The following PXYLP1 variants were observed in gnomAD, a reference collection of about 807,000 sequenced individuals.
PXYLP1 encodes 2-phosphoxylose phosphatase 1.
PXYLP1 carries 17 observed loss-of-function variants against 37.9 expected under a neutral mutation model. The observed-to-expected ratio is 0.45, with a 90% CI of 0.31 to 0.67. PXYLP1 has a LOEUF of 0.67. Ranked by LOEUF, PXYLP1 falls within the 30% of genes least tolerant of loss-of-function variation. PXYLP1 has a pLI of 0.07. For missense variants in PXYLP1, 511 were observed against 612.0 expected (o/e 0.84, Z 1.74); for synonymous variants, 221 against 232.2 (o/e 0.95, Z 0.44).
intron 1 of PXYLP1, among the ~76,000 whole-genome samples, chr3:141,249,971 A>G (rs958870562): frequency 6.6e-6 from 1 of 152,254 alleles, no homozygotes; most frequent in African/African-American, 2.4e-5. Context: ...TGGAAAAAAA[A>G]TCTCAAAGGA....
chr3:141,232,756 T>C (rs1940557121), intron 1 of PXYLP1, among the ~76,000 whole-genome samples: 1 of 152,188 alleles, frequency 6.6e-6, no homozygotes, highest in South Asian at 2.1e-4. Context: ...ATTGTACCTG[T>C]GGATGGTAAA....
At chr3:141,244,342 C>T (rs928545726) in intron 1 of PXYLP1, among the ~76,000 whole-genome samples, 13 of 150,408 alleles carry the variant, frequency 8.6e-5, no homozygotes, top group African/African-American at 2.0e-4. Context: ...AACAATATAA[C>T]GTTTCCCTCT....
At chr3:141,274,566 G>A (rs977103251) in intron 2 of PXYLP1, 10 of 1,037,062 alleles carry the variant, frequency 9.6e-6, no homozygotes, top group Non-Finnish European at 1.3e-5. Flanking sequence ...TCCACATGAG[G>A]AGTCAATGAG....
At chr3:141,278,899 G>A (rs529705490) in intron 3 of PXYLP1, among the ~76,000 whole-genome samples, 2 of 152,346 alleles carry the variant, frequency 1.3e-5, no homozygotes, top group South Asian at 4.1e-4. Context: ...ATGTCCTGCT[G>A]GCGTCTTGCC....
rs1394382018 is a variant in PXYLP1, at chr3:141,294,602, G to T, written c.*1397G>T. On this transcript the variant is annotated 3_prime_UTR_variant, in exon 6 of 6. Coordinates refer to ENST00000286353, the MANE Select transcript of PXYLP1 (RefSeq NM_001037172.3). ...TTTGTCCAGTGTTGCATTTGAATAT[G>T]TCTGTTTCTATAAATAAATTTTTTA... 6.6e-6 allele frequency: 1 copy of T among 152,172 alleles called. No homozygotes were observed. Among genetic ancestry groups the T allele is most frequent in the Non-Finnish European group, 1.5e-5 (1 of 68,028 alleles). The allele number at this position is 152,172 out of a possible 1,614,324, so 9.4% of individuals were successfully genotyped here.
intron 5 of PXYLP1, among the ~76,000 whole-genome samples, chr3:141,290,999 G>C (rs1310521265): frequency 6.6e-6 from 1 of 152,178 alleles, no homozygotes; most frequent in Non-Finnish European, 1.5e-5. Context: ...TCTTGGAAGT[G>C]CTAAATCCTG....
At chr3:141,255,497 C>T (rs974971389) in intron 1 of PXYLP1, among the ~76,000 whole-genome samples, 23 of 152,242 alleles carry the variant, frequency 1.5e-4, no homozygotes, top group African/African-American at 5.5e-4. Context: ...GATGTGGGAG[C>T]TGTAATCCCA....
rs769666245 is a variant in PXYLP1, at chr3:141,278,300, C to T, written c.80-42C>T. On this transcript the variant is annotated intron_variant, in intron 2 of 5. Transcript: ENST00000286353. ...GCTGGGCCTTGCAGCTGGCCTGGCGCCCCAGGAACTGTGCGTCACAACCTG... is the reference window on the plus strand; with the variant it reads ...GCTGGGCCTTGCAGCTGGCCTGGCGTCCCAGGAACTGTGCGTCACAACCTG... 5.6e-6 allele frequency: 9 copies of T among 1,610,968 alleles called. No homozygotes were observed. In the Admixed American group the frequency reaches 6.7e-5, roughly 12 times the overall value.
chr3:141,287,253 G>A (rs1237658806), intron 4 of PXYLP1, 61 bp from the exon 5 acceptor site: 18 of 1,577,448 alleles, frequency 1.1e-5, no homozygotes, highest in Non-Finnish European at 1.6e-5. Context: ...CGCTGAAGCT[G>A]GAAACTGTTT....
At chr3:141,280,463 G>A (rs1941924016) in intron 4 of PXYLP1, among the ~76,000 whole-genome samples, 1 of 152,200 alleles carries the variant, frequency 6.6e-6, no homozygotes, top group African/African-American at 2.4e-5. Context: ...GGCTGCCTCT[G>A]CCCTCATTTT....
chr3:141,245,498 C>T (rs1246212366), intron 1 of PXYLP1, among the ~76,000 whole-genome samples: 3 of 152,192 alleles, frequency 2.0e-5, no homozygotes, highest in Admixed American at 6.5e-5. Flanking sequence ...AGGTCAGGGA[C>T]GTTTTCTCTG....
At chr3:141,244,002 G>A (rs183686316) in intron 1 of PXYLP1, among the ~76,000 whole-genome samples, 4 of 152,274 alleles carry the variant, frequency 2.6e-5, no homozygotes, top group African/African-American at 7.2e-5. Context: ...AAATATATGC[G>A]AGCAAATAAG....
In PXYLP1 at chr3:141,254,393, TTGAC is replaced by T. The variant is rs1399869718; in HGVS notation, c.-53-5722_-53-5719del. ...GGCTCTCAGGAAATGTTATTTTGAA[TTGAC>T]TGACTGAATGAATGAGTGCGTGAAC... On this transcript the variant is annotated intron_variant, in intron 1 of 5. Transcript: ENST00000286353. Among the ~76,000 whole-genome samples, 7 of 152,348 alleles carry T rather than the reference TTGAC, an allele frequency of 4.6e-5. No individual in the cohort carries two copies. The South Asian group carries it at 8.3e-4, about 18-fold the overall frequency.
chr3:141,244,234 A>C (rs1265886390), intron 1 of PXYLP1, among the ~76,000 whole-genome samples: 1 of 152,234 alleles, frequency 6.6e-6, no homozygotes. Context: ...CACAGGTTCA[A>C]ATTCTAAAGT....
chr3:141,237,887 T>G (rs906848991), intron 1 of PXYLP1, among the ~76,000 whole-genome samples: 2 of 152,226 alleles, frequency 1.3e-5, no homozygotes, highest in Non-Finnish European at 1.5e-5. Flanking sequence ...GGCACTCATT[T>G]TGACTCATCT....
At chr3:141,235,958 C>T (rs529388411) in intron 1 of PXYLP1, among the ~76,000 whole-genome samples, 1 of 152,350 alleles carries the variant, frequency 6.6e-6, no homozygotes, top group South Asian at 2.1e-4. Flanking sequence ...GTTCAGTCTG[C>T]AGTGATGGCG....
At chr3:141,284,252 T>C (rs9880195) in intron 4 of PXYLP1, among the ~76,000 whole-genome samples, 129,324 of 152,100 alleles carry the variant, frequency 0.85, 55,448 homozygotes, top group African/African-American at 0.96. Context: ...CAGGTTGTTG[T>C]TTCTACCATC....
intron 1 of PXYLP1, among the ~76,000 whole-genome samples, chr3:141,252,651 G>C (rs1035426787): frequency 6.6e-6 from 1 of 152,294 alleles, no homozygotes; most frequent in South Asian, 2.1e-4. Context: ...GGGATTACAT[G>C]TCAACATGAG....
chr3:141,254,030 G>T (rs185699020), intron 1 of PXYLP1, among the ~76,000 whole-genome samples: 2 of 152,052 alleles, frequency 1.3e-5, no homozygotes, highest in Non-Finnish European at 2.9e-5. Context: ...TCATGCCTCA[G>T]CCTCTTGAAT....
Sources: allele counts gnomAD v4.1 joint callset (sites outside exome capture counted in the v4.1 genomes callset), GRCh38; gene constraint gnomAD v4.1.1; transcripts MANE v1.5; gene names NCBI Gene and HGNC (gene_info 2026-07-23, HGNC 2026-07-21).